TWIST2: variants seen among roughly 807,000 people sequenced by gnomAD.
The protein encoded by TWIST2 is twist family bHLH transcription factor 2.
A neutral mutation model predicts 11.6 loss-of-function variants in TWIST2; 1 was observed. The observed-to-expected ratio is 0.09, with a 90% confidence interval of 0.03 to 0.41. The LOEUF is 0.41. Ranked by LOEUF, TWIST2 falls within the 10% of genes least tolerant of loss-of-function variation. TWIST2 has a pLI of 0.98. For synonymous variants in TWIST2, 87 were observed against 96.6 expected (o/e 0.90, Z 0.58); for missense variants, 168 against 226.4 (o/e 0.74, Z 1.66).
chr2:238,849,164 C>T (rs937581976), intron 1 of TWIST2, among the ~76,000 whole-genome samples: 8 of 152,148 alleles, frequency 5.3e-5, no homozygotes, highest in African/African-American at 1.9e-4. Context: ...CGAAGCTGCC[C>T]GAGCCGGGTG....
intron 1 of TWIST2, among the ~76,000 whole-genome samples, chr2:238,857,634 G>A (rs1253790317): frequency 6.6e-6 from 1 of 151,594 alleles, no homozygotes; most frequent in Non-Finnish European, 1.5e-5. Context: ...CTCTTTGAAC[G>A]GCAATAAAAT....
At chr2:238,900,656 CT>C (rs1338730321) in intron 1 of TWIST2, among the ~76,000 whole-genome samples, 2 of 152,182 alleles carry the variant, frequency 1.3e-5, no homozygotes, top group Non-Finnish European at 2.9e-5. Context: ...TGGGTATGGA[CT>C]TTCGGGGCTG....
intron 1 of TWIST2, among the ~76,000 whole-genome samples, chr2:238,877,587 A>G (rs141319898): frequency 0.013 from 1,947 of 152,306 alleles, 77 homozygotes; most frequent in East Asian, 0.13. Flanking sequence ...ACAAACAAAA[A>G]TATTTATGCT....
In TWIST2 at chr2:238,897,465, C is replaced by T. The variant is rs941997258; in HGVS notation, c.*36-12377C>T. ...CCCCTACAGCACCCAGCAAGGGTGG[C>T]AGAGCAGCTGGCTTCCTGACATGCC... is the stretch of plus-strand genomic sequence containing the variant. On this transcript the variant is annotated intron_variant, in intron 1 of 1. Coordinates refer to ENST00000612363, the MANE Select transcript of TWIST2 (RefSeq NM_001271893.4). Among the ~76,000 whole-genome samples the T allele has an allele frequency of 3.3e-5, 5 of 152,302 alleles. No homozygotes were observed. In the South Asian group the frequency reaches 1.0e-3, roughly 32 times the overall value.
chr2:238,879,319 A>G (rs973467012), intron 1 of TWIST2, among the ~76,000 whole-genome samples: 1 of 152,172 alleles, frequency 6.6e-6, no homozygotes, highest in African/African-American at 2.4e-5. Context: ...TGAAAAGGTG[A>G]CAGTCCCTCC....
chr2:238,870,551 C>A (rs1296209315), intron 1 of TWIST2, among the ~76,000 whole-genome samples: 5 of 124,882 alleles, frequency 4.0e-5, no homozygotes, highest in African/African-American at 6.3e-5. Flanking sequence ...CCCCACACAC[C>A]CCACACACAC....
chr2:238,871,802 C>T (rs918787165), intron 1 of TWIST2, among the ~76,000 whole-genome samples: 5 of 152,124 alleles, frequency 3.3e-5, no homozygotes, highest in African/African-American at 4.8e-5. Flanking sequence ...TGGTCACAGA[C>T]AAACACTCTA....
chr2:238,890,672 A>G (rs1693115541), intron 1 of TWIST2, among the ~76,000 whole-genome samples: 1 of 152,210 alleles, frequency 6.6e-6, no homozygotes, highest in African/African-American at 2.4e-5. Flanking sequence ...CAGTTTATAA[A>G]CGGGGTTTTA....
In TWIST2 at chr2:238,848,203, C is replaced by A; in HGVS notation, c.-13C>A. On this transcript the variant is annotated 5_prime_UTR_variant, in exon 1 of 2. Coordinates refer to ENST00000612363, the MANE Select transcript of TWIST2 (RefSeq NM_001271893.4). ...CCCGGCGCCCCCAGCCCCACGCGCGCCGGGCGGGCGCCATGGAGGAGGGCT... is the reference window on the plus strand; with the variant it reads ...CCCGGCGCCCCCAGCCCCACGCGCGACGGGCGGGCGCCATGGAGGAGGGCT... 7.8e-7 allele frequency: 1 copy of A among 1,281,114 alleles called. No homozygotes were observed. 79.4% of individuals were successfully genotyped at this position (1,281,114 alleles called of 1,614,324 possible).
intron 1 of TWIST2, among the ~76,000 whole-genome samples, chr2:238,857,489 A>G (rs1692352186): frequency 6.6e-6 from 1 of 152,172 alleles, no homozygotes; most frequent in Non-Finnish European, 1.5e-5. Flanking sequence ...ATCTAAAGAC[A>G]GCTTCCAAGA....
At position 238,890,802 on chromosome 2, in the gene TWIST2, A is replaced by T. The variant is rs1043113573; in HGVS notation, c.*36-19040A>T. Among the ~76,000 whole-genome samples the T allele has an allele frequency of 3.3e-5, 5 of 152,286 alleles. No homozygotes were observed. In the South Asian group the frequency reaches 1.0e-3, roughly 32 times the overall value. Reference sequence around the variant, plus strand: ...GGGGGATTAGTCTCTAAGCTCTCGCATCAAAGACAGCCTGAGAAGGCTCTG... The same window carrying T: ...GGGGGATTAGTCTCTAAGCTCTCGCTTCAAAGACAGCCTGAGAAGGCTCTG... On this transcript the variant is annotated intron_variant, in intron 1 of 1. Transcript: ENST00000612363.
At chr2:238,873,765 G>A (rs1433103384) in intron 1 of TWIST2, among the ~76,000 whole-genome samples, 1 of 152,140 alleles carries the variant, frequency 6.6e-6, no homozygotes, top group African/African-American at 2.4e-5. Flanking sequence ...TTGATGAGTG[G>A]GCCTGAGGGT....
At chr2:238,891,458 G>A (rs146031960) in intron 1 of TWIST2, among the ~76,000 whole-genome samples, 5 of 152,322 alleles carry the variant, frequency 3.3e-5, no homozygotes, top group Admixed American at 6.5e-5. Context: ...CTGCATTTCG[G>A]CCTGGACTTC....
chr2:238,877,567 T>A (rs1368453472), intron 1 of TWIST2, among the ~76,000 whole-genome samples: 2 of 152,156 alleles, frequency 1.3e-5, no homozygotes, highest in Admixed American at 1.3e-4. Context: ...AACAAAAAGA[T>A]GTCATTCACA....
chr2:238,905,567 C>T (rs1693329845), intron 1 of TWIST2, among the ~76,000 whole-genome samples: 1 of 152,164 alleles, frequency 6.6e-6, no homozygotes, highest in Non-Finnish European at 1.5e-5. Flanking sequence ...ACCCTGAAAC[C>T]CACCACTGGC....
In TWIST2 at chr2:238,863,877, G is replaced by C. The variant is rs1692478006; in HGVS notation, c.*35+15144G>C. ...TGACAAATGTGTGGGACTGAGGAGA[G>C]GTCGGCCGTAGAGTAGGTCTACCCC... is the stretch of plus-strand genomic sequence containing the variant. On this transcript the variant is annotated intron_variant, in intron 1 of 1. Transcript: ENST00000612363. This position sits in a 1 kb window ranked among gnomAD's most constrained non-coding sequence, Gnocchi z 4.7. Among the ~76,000 whole-genome samples, 1 of 152,144 alleles carries C rather than the reference G, an allele frequency of 6.6e-6. No homozygotes were observed. Among genetic ancestry groups the C allele is most frequent in the South Asian group, 2.1e-4 (1 of 4,822 alleles).
rs1343662325 is a variant in TWIST2, at chr2:238,848,342, G to C, written c.127G>C (p.Gly43Arg). Reference protein sequence around the residue: ...RRYSKKSSEDGSPTPGKRGKK... With the variant: ...RRYSKKSSEDRSPTPGKRGKK... ...CTACAGCAAGAAGTCGAGCGAAGAT[G>C]GCAGCCCGACCCCGGGCAAGCGCGG... is the stretch of plus-strand genomic sequence containing the variant. The change falls in exon 1 of 2, where the codon GGC (glycine) becomes CGC (arginine). Residue 43 changes from glycine (G) to arginine (R), a missense_variant. Gly to Arg is a moderately radical substitution (Grantham distance 125, BLOSUM62 -2). Around this residue, in one of 3 missense-constraint regions of TWIST2, gnomAD observed 83 missense variants for 92.7 expected, o/e 0.90. Coordinates refer to ENST00000612363, the MANE Select transcript of TWIST2 (RefSeq NM_001271893.4). 1 of 1,534,776 alleles carries C rather than the reference G, an allele frequency of 6.5e-7. No homozygotes were observed. Among genetic ancestry groups the C allele is most frequent in the South Asian group, 1.2e-5 (1 of 84,018 alleles).
chr2:238,893,198 G>A (rs1051775630), intron 1 of TWIST2, among the ~76,000 whole-genome samples: 6 of 152,220 alleles, frequency 3.9e-5, no homozygotes, highest in African/African-American at 1.4e-4. Context: ...GTGAATAGAT[G>A]CAAAAAATTT....
chr2:238,896,969 G>C (rs907175799), intron 1 of TWIST2, among the ~76,000 whole-genome samples: 8 of 152,208 alleles, frequency 5.3e-5, no homozygotes, highest in Non-Finnish European at 7.3e-5. Flanking sequence ...GGAGGCGCCT[G>C]AGTGAAGGAG....
Sources: allele counts gnomAD v4.1 joint callset (sites outside exome capture counted in the v4.1 genomes callset), GRCh38; gene constraint gnomAD v4.1.1; regional missense constraint gnomAD v4.1.1; non-coding constraint Gnocchi (gnomAD v3.1); transcripts MANE v1.5; gene names NCBI Gene and HGNC (gene_info 2026-07-23, HGNC 2026-07-21).